EFCAB11: variants seen among roughly 807,000 people sequenced by gnomAD.
EFCAB11 encodes the protein EF-hand calcium-binding domain-containing protein 11.
A neutral mutation model predicts 23.0 loss-of-function variants in EFCAB11; 14 were observed. That is an observed-to-expected ratio of 0.61 (90% confidence interval 0.40 to 0.95). The LOEUF (loss-of-function observed/expected upper bound fraction) is 0.95, where lower values mean the gene tolerates loss of function less well. Ranked by LOEUF, EFCAB11 falls within the 40% of genes least tolerant of loss-of-function variation. The pLI, the probability that EFCAB11 is intolerant of heterozygous loss-of-function variation, is 0.00. For synonymous variants in EFCAB11, 65 were observed against 66.6 expected, an observed-to-expected ratio of 0.98 and a Z score of 0.11; for missense variants, 198 against 195.8, an observed-to-expected ratio of 1.01 and a Z score of -0.07.
At chr14:89,837,268 A>G (rs1009325019) in intron 5 of EFCAB11, 1 of 361,714 alleles carries the variant, frequency 2.8e-6, no homozygotes, top group Non-Finnish European at 5.6e-6. Flanking sequence ...CTTCTGGGTC[A>G]CATTACCTGG....
At chr14:89,933,616 A>G (rs1458489431) in intron 3 of EFCAB11, among the ~76,000 whole-genome samples, 2 of 152,232 alleles carry the variant, frequency 1.3e-5, no homozygotes, top group Non-Finnish European at 2.9e-5. Flanking sequence ...TCTCTTTTTA[A>G]ATGATTCCTT....
intron 3 of EFCAB11, among the ~76,000 whole-genome samples, chr14:89,940,719 T>G (rs950814091): frequency 2.6e-5 from 4 of 152,224 alleles, no homozygotes; most frequent in Admixed American, 2.6e-4. Context: ...ATGCTCAATC[T>G]AATCGCCTAG....
intron 5 of EFCAB11, among the ~76,000 whole-genome samples, chr14:89,861,465 T>C (rs1887917386): frequency 6.6e-6 from 1 of 152,220 alleles, no homozygotes; most frequent in South Asian, 2.1e-4. Flanking sequence ...TGCTGCAGCC[T>C]GCAAACAGAT....
chr14:89,835,032 G>A (rs959122232), intron 5 of EFCAB11, among the ~76,000 whole-genome samples: 7 of 152,322 alleles, frequency 4.6e-5, no homozygotes, highest in African/African-American at 1.7e-4. Flanking sequence ...TAACTGCAGA[G>A]GGAAGCAGAA....
chr14:89,950,211 T>C, intron 2 of EFCAB11, 69 bp from the exon 3 acceptor site: 1 of 1,453,688 alleles, frequency 6.9e-7, no homozygotes, highest in South Asian at 1.3e-5. Context: ...TTCTTAATTC[T>C]TCAGGTGGGA....
At chr14:89,850,670 ATG>A (rs892192105) in intron 5 of EFCAB11, among the ~76,000 whole-genome samples, 1 of 152,132 alleles carries the variant, frequency 6.6e-6, no homozygotes, top group African/African-American at 2.4e-5. Flanking sequence ...ATATGTATGT[ATG>A]TGTGTGTGTA....
At chr14:89,902,530 T>C (rs1889372493) in intron 5 of EFCAB11, among the ~76,000 whole-genome samples, 1 of 152,186 alleles carries the variant, frequency 6.6e-6, no homozygotes. Flanking sequence ...AATAAAAATA[T>C]GCCAGCCCAA....
chr14:89,810,507 T>C (rs1886115926), intron 5 of EFCAB11, among the ~76,000 whole-genome samples: 1 of 152,078 alleles, frequency 6.6e-6, no homozygotes, highest in South Asian at 2.1e-4. Context: ...ACTGAACACA[T>C]TGAGTAACTA....
chr14:89,948,982 A>G (rs1891070273), intron 3 of EFCAB11, among the ~76,000 whole-genome samples: 1 of 152,180 alleles, frequency 6.6e-6, no homozygotes, highest in Admixed American at 6.5e-5. Context: ...CCAAAAGAGT[A>G]TAATTGGATT....
chr14:89,876,371 G>A (rs762334173), intron 5 of EFCAB11, among the ~76,000 whole-genome samples: 5 of 152,144 alleles, frequency 3.3e-5, no homozygotes, highest in Admixed American at 6.5e-5. Context: ...CTATCTCCAA[G>A]ACAGGGTCAA....
At chr14:89,923,802 G>A (rs1051307858) in intron 5 of EFCAB11, 1 of 985,410 alleles carries the variant, frequency 1.0e-6, no homozygotes, top group East Asian at 1.1e-4. Flanking sequence ...TCTTGTTAGA[G>A]ATGGACCAGG....
intron 5 of EFCAB11, among the ~76,000 whole-genome samples, chr14:89,821,216 G>GT (rs1886506559): frequency 6.6e-6 from 1 of 151,902 alleles, no homozygotes; most frequent in Non-Finnish European, 1.5e-5. Context: ...GCTCCATAAT[G>GT]TAAGTGGACT....
intron 5 of EFCAB11, among the ~76,000 whole-genome samples, chr14:89,876,340 G>A (rs1888437393): frequency 6.6e-6 from 1 of 152,110 alleles, no homozygotes; most frequent in Non-Finnish European, 1.5e-5. Context: ...AGGTCAGAGG[G>A]TGCTGGGCCT....
chr14:89,817,919 G>A (rs1297588902), intron 5 of EFCAB11, among the ~76,000 whole-genome samples: 1 of 151,994 alleles, frequency 6.6e-6, no homozygotes, highest in African/African-American at 2.4e-5. Context: ...ACTTGAACCT[G>A]GGAGGCAGAG....
chr14:89,863,993 T>C (rs2140153951), intron 5 of EFCAB11, among the ~76,000 whole-genome samples: 1 of 152,350 alleles, frequency 6.6e-6, no homozygotes, highest in African/African-American at 2.4e-5. Flanking sequence ...CTTATTTGCA[T>C]CTTCTTCCAC....
chr14:89,849,807 G>A (rs1887548092), intron 5 of EFCAB11, among the ~76,000 whole-genome samples: 1 of 152,008 alleles, frequency 6.6e-6, no homozygotes, highest in Non-Finnish European at 1.5e-5. Context: ...CAGAAATGAA[G>A]AAACCAGATA....
At chr14:89,954,773 C>T (rs1286946062), upstream of EFCAB11, 4 of 1,449,776 alleles carry the variant, frequency 2.8e-6, no homozygotes, top group African/African-American at 4.2e-5. Flanking sequence ...CGAACTTCAC[C>T]GCGCAACTCC....
chr14:89,798,961 AT>A (rs369398732), intron 5 of EFCAB11, among the ~76,000 whole-genome samples: 1 of 151,926 alleles, frequency 6.6e-6, no homozygotes, highest in Non-Finnish European at 1.5e-5. Context: ...TAATTTTTGT[AT>A]TTTTTTGGTA....
chr14:89,929,476 T>A (rs550249299), intron 5 of EFCAB11, among the ~76,000 whole-genome samples: 1 of 152,294 alleles, frequency 6.6e-6, no homozygotes, highest in South Asian at 2.1e-4. Context: ...AACCTCCGCA[T>A]CCCAGGTTCA....
Sources: allele counts gnomAD v4.1 joint callset (sites outside exome capture counted in the v4.1 genomes callset), GRCh38; gene constraint gnomAD v4.1.1; transcripts MANE v1.5; gene names NCBI Gene and HGNC (gene_info 2026-07-23, HGNC 2026-07-21).